The following MCCC1 variants were observed in gnomAD, a reference collection of about 807,000 sequenced individuals.
MCCC1 encodes methylcrotonoyl-CoA carboxylase subunit alpha, mitochondrial.
In MCCC1, 64 loss-of-function variants were observed where a neutral mutation model predicts 83.8. That is an observed-to-expected ratio of 0.76 (90% CI 0.62 to 0.94). MCCC1 has a LOEUF of 0.94. Among genes scored for constraint, MCCC1 ranks in the 40% least tolerant of loss-of-function variants. The pLI, the probability that MCCC1 is intolerant of heterozygous loss-of-function variation, is 0.00. For missense variants in MCCC1, 807 were observed against 904.7 expected, an observed-to-expected ratio of 0.89 and a Z score of 1.39; for synonymous variants, 322 against 315.4, an observed-to-expected ratio of 1.02 and a Z score of -0.22.
At chr3:183,113,312 G>C (rs573752750) in intron 1 of MCCC1, among the ~76,000 whole-genome samples, 21 of 148,784 alleles carry the variant, frequency 1.4e-4, no homozygotes, top group Admixed American at 6.2e-4. Flanking sequence ...GCAAACTATC[G>C]CAAGGACAGA....
intron 4 of MCCC1, among the ~76,000 whole-genome samples, chr3:183,084,357 G>A (rs981132462): frequency 6.6e-6 from 1 of 152,008 alleles, no homozygotes; most frequent in Non-Finnish European, 1.5e-5. Context: ...TGGCATTTAT[G>A]CTTAAATACA....
intron 10 of MCCC1, 96 bp from the exon 11 acceptor site, chr3:183,041,846 C>A: frequency 7.1e-7 from 1 of 1,414,790 alleles, no homozygotes; most frequent in Non-Finnish European, 9.9e-7. Context: ...GTAAAATGTA[C>A]ATTTAGGTTT....
intron 7 of MCCC1, among the ~76,000 whole-genome samples, chr3:183,057,643 C>T (rs899634168): frequency 2.0e-5 from 3 of 152,152 alleles, no homozygotes; most frequent in African/African-American, 7.2e-5. Context: ...CTTTGGGTGC[C>T]AAGGCAGGCA....
At position 183,015,564 on chromosome 3, in the gene MCCC1, A is replaced by G; in HGVS notation, c.2052T>C (p.His684=). 1 of 1,614,160 alleles carries G rather than the reference A, an allele frequency of 6.2e-7. No homozygotes were observed. Among genetic ancestry groups the G allele is most frequent in the Non-Finnish European group, 8.5e-7 (1 of 1,180,008 alleles). Residue 684 remains histidine (H), a splice_region_variant and synonymous_variant, in exon 19 of 19, where the codon CAT becomes CAC. Coordinates refer to ENST00000265594, the MANE Select transcript of MCCC1 (RefSeq NM_020166.5). ...LMVMIAMKME[H]TIKSPKDGTV... Reference sequence around the variant, plus strand: ...TGCCATCCTTTGGAGACTTTATGGTATGCTGCAGAGACACATGACAGGACA... The same window carrying G: ...TGCCATCCTTTGGAGACTTTATGGTGTGCTGCAGAGACACATGACAGGACA...
chr3:183,017,465 T>TTGC (rs1278384312), intron 17 of MCCC1, 128 bp from the exon 18 acceptor site: 1 of 844,216 alleles, frequency 1.2e-6, no homozygotes, highest in African/African-American at 1.7e-5. Context: ...ACCATGAATA[T>TTGC]AAACAATAAA....
chr3:183,113,702 CA>C (rs199569993), intron 1 of MCCC1, among the ~76,000 whole-genome samples: 1 of 145,476 alleles, frequency 6.9e-6, no homozygotes. Context: ...GACTCTGTCT[CA>C]AAAAAAAATA....
In MCCC1 at chr3:183,060,031, C is replaced by G. The variant is rs141394870; in HGVS notation, c.762-2609G>C. ...GTAGTTTTGCATCTGTCAACAACTT[C>G]GGAAAATTCTTGGCCATTACTACTT... is the stretch of plus-strand genomic sequence containing the variant. On this transcript the variant is annotated intron_variant, in intron 7 of 18. Coordinates refer to ENST00000265594, the MANE Select transcript of MCCC1 (RefSeq NM_020166.5). 2.6e-5 allele frequency among the ~76,000 whole-genome samples: 4 copies of G among 152,204 alleles called. No individual in the cohort carries two copies. In the East Asian group the frequency reaches 7.7e-4, roughly 29 times the overall value.
At chr3:183,095,191 G>A (rs1384267572) in intron 1 of MCCC1, among the ~76,000 whole-genome samples, 1 of 151,994 alleles carries the variant, frequency 6.6e-6, no homozygotes, top group Non-Finnish European at 1.5e-5. Flanking sequence ...GCTGAGGCAG[G>A]AGAATGGCGT....
At chr3:183,063,302 T>C (rs545015420) in intron 7 of MCCC1, among the ~76,000 whole-genome samples, 2 of 151,152 alleles carry the variant, frequency 1.3e-5, no homozygotes, top group Non-Finnish European at 2.9e-5. Flanking sequence ...TTTTAATCCA[T>C]CTAGAATATG....
At chr3:183,091,170 G>A (rs188086994) in intron 3 of MCCC1, 20 of 359,194 alleles carry the variant, frequency 5.6e-5, no homozygotes, top group Middle Eastern at 7.8e-4. Flanking sequence ...GCCCAGGTGA[G>A]GCTGCTCATC....
In MCCC1 at chr3:183,070,733, CAA is replaced by C. The variant is rs11313652; in HGVS notation, c.761+264_761+265del. ...GGGCAACTGAATGAGAGACTCCGTC[CAA>C]AAAAAAAAAAAAATTCTATTCACTG... On this transcript the variant is annotated intron_variant, in intron 7 of 18. Transcript: ENST00000265594. Among the ~76,000 whole-genome samples the C allele has an allele frequency of 5.6e-3, 803 of 143,408 alleles. 5 individuals are homozygous for C. Among genetic ancestry groups the C allele is most frequent in the African/African-American group, 0.014 (562 of 39,012 alleles). The allele number at this position is 143,408 out of a possible 152,430, so 94.1% of individuals were successfully genotyped here.
chr3:183,077,938 G>T (rs570016573), intron 4 of MCCC1, among the ~76,000 whole-genome samples: 1 of 152,106 alleles, frequency 6.6e-6, no homozygotes, highest in Non-Finnish European at 1.5e-5. Context: ...CTACATATGT[G>T]AGTTTATTTT....
chr3:183,056,818 C>T (rs1013445748), intron 8 of MCCC1, among the ~76,000 whole-genome samples: 11 of 152,250 alleles, frequency 7.2e-5, no homozygotes, highest in Admixed American at 2.6e-4. Context: ...CTCAGCCTAC[C>T]CAAGTAGCTG....
intron 11 of MCCC1, among the ~76,000 whole-genome samples, chr3:183,040,598 C>T (rs1349483751): frequency 1.3e-5 from 2 of 149,600 alleles, no homozygotes; most frequent in Non-Finnish European, 3.0e-5. Context: ...TGGTATACAC[C>T]TGTAATCCCA....
Position 183,034,468 on chromosome 3 carries a change from AAC to A in MCCC1, c.1595-393_1595-392del, listed in dbSNP as rs1560216245. Among the ~76,000 whole-genome samples the A allele has an allele frequency of 4.0e-5, 6 of 150,466 alleles. 1 individual carries two copies. Among genetic ancestry groups the A allele is most frequent in the Non-Finnish European group, 5.9e-5 (4 of 67,520 alleles). On this transcript the variant is annotated intron_variant, in intron 13 of 18. Coordinates refer to ENST00000265594, the MANE Select transcript of MCCC1 (RefSeq NM_020166.5). ...AGACTCCGTCTCAAAAAAAAAAAAA[AAC>A]AAAAAAACACACGTCCTAAACTGGC... is the stretch of plus-strand genomic sequence containing the variant.
rs1577334229 is a variant in MCCC1, at chr3:183,074,892, C to T, written c.370-2405G>A. Reference sequence around the variant, plus strand: ...CCACCTTCCCCACTCAGGTAGACCCCAGTGTCTTTTGTTTCCTTCTTTGTG... The same window carrying T: ...CCACCTTCCCCACTCAGGTAGACCCTAGTGTCTTTTGTTTCCTTCTTTGTG... On this transcript the variant is annotated intron_variant, in intron 4 of 18. Transcript: ENST00000265594. Among the ~76,000 whole-genome samples the T allele has an allele frequency of 3.3e-5, 5 of 152,264 alleles. 1 individual carries two copies. Among genetic ancestry groups the T allele is most frequent in the Admixed American group, 6.5e-5 (1 of 15,288 alleles).
At chr3:183,049,398 A>G (rs941220899) in intron 9 of MCCC1, among the ~76,000 whole-genome samples, 1 of 151,838 alleles carries the variant, frequency 6.6e-6, no homozygotes, top group Non-Finnish European at 1.5e-5. Flanking sequence ...GGTGAAACCC[A>G]TCTCTACTAA....
At chr3:183,020,833 G>A (rs1233495246) in intron 16 of MCCC1, among the ~76,000 whole-genome samples, 5 of 152,126 alleles carry the variant, frequency 3.3e-5, no homozygotes, top group African/African-American at 1.2e-4. Context: ...GCCAAGGTGG[G>A]CAGATCACGA....
chr3:183,107,694 C>T (rs1404935105), intron 1 of MCCC1, among the ~76,000 whole-genome samples: 1 of 148,552 alleles, frequency 6.7e-6, no homozygotes, highest in Non-Finnish European at 1.5e-5. Context: ...AGGCGCATGC[C>T]ACCACGCCTG....
Sources: gnomAD v4.1 joint callset for allele counts (sites outside exome capture counted in the v4.1 genomes callset) on GRCh38, gnomAD v4.1.1 for gene constraint, MANE v1.5 for transcripts, NCBI Gene and HGNC (gene_info 2026-07-23, HGNC 2026-07-21) for gene names.